Variants in GPHN observed in about 807,000 individuals in gnomAD.
GPHN encodes the protein gephyrin.
A neutral mutation model predicts 95.5 loss-of-function variants in GPHN; 17 were observed. The ratio of observed to expected loss-of-function variants is 0.18; its 90% confidence interval spans 0.12 to 0.27. The LOEUF (loss-of-function observed/expected upper bound fraction) is 0.27, where lower values mean the gene tolerates loss of function less well. GPHN is among the 10% of genes least tolerant of loss of function. The probability of loss-of-function intolerance (pLI) is 1.00; values close to 1 mark genes in which losing one functional copy is unlikely to be tolerated. For synonymous variants in GPHN, 320 were observed against 322.5 expected (o/e 0.99, Z 0.08); for missense variants, 660 against 978.1 (o/e 0.67, Z 4.34).
chr14:67,555,892 C>T, the GPHN span: 5 of 1,613,162 alleles, frequency 3.1e-6, no homozygotes. Flanking sequence ...ACCCAGGTAA[C>T]CAGGGGAGGG....
intron 8 of GPHN, among the ~76,000 whole-genome samples, chr14:66,948,177 A>G (rs559017112): frequency 1.3e-5 from 2 of 152,164 alleles, no homozygotes; most frequent in South Asian, 2.1e-4. Flanking sequence ...CTAAAAGGCA[A>G]TTACACGGGA....
chr14:67,285,257 G>A, the GPHN span, among the ~76,000 whole-genome samples: 1 of 152,154 alleles, frequency 6.6e-6, no homozygotes, highest in Admixed American at 6.5e-5. Flanking sequence ...AAATGGAAAA[G>A]CTTAATGCTG....
the GPHN span, among the ~76,000 whole-genome samples, chr14:67,513,505 C>T: frequency 6.6e-6 from 1 of 152,216 alleles, no homozygotes; most frequent in African/African-American, 2.4e-5. Context: ...CTAAAAAAGC[C>T]TGTTGTCCCC....
the GPHN span, chr14:67,584,993 T>C: frequency 1.3e-5 from 2 of 152,254 alleles, no homozygotes; most frequent in African/African-American, 4.8e-5. Flanking sequence ...AAGAGAGAGA[T>C]TTTCTGGATT....
At chr14:66,718,205 T>TA (rs1293160225) in intron 2 of GPHN, among the ~76,000 whole-genome samples, 1 of 152,126 alleles carries the variant, frequency 6.6e-6, no homozygotes, top group African/African-American at 2.4e-5. Context: ...TTACAGTTCT[T>TA]AAAGATGGTG....
chr14:66,596,155 A>G (rs1317405610), intron 1 of GPHN, among the ~76,000 whole-genome samples: 1 of 151,786 alleles, frequency 6.6e-6, no homozygotes, highest in South Asian at 2.1e-4. Context: ...CTGCTGGCAG[A>G]TTGTCCTGTC....
At chr14:66,932,457 T>TGG (rs915901188) in intron 8 of GPHN, among the ~76,000 whole-genome samples, 1 of 124,208 alleles carries the variant, frequency 8.1e-6, no homozygotes, top group Non-Finnish European at 1.7e-5. Flanking sequence ...TTTTTTTTTT[T>TGG]TTTTTTTTTT....
At chr14:67,722,497 A>G in the GPHN span, 3 of 778,736 alleles carry the variant, frequency 3.9e-6, no homozygotes, top group Non-Finnish European at 7.1e-6. Context: ...GCTCAGAGTC[A>G]GGCTGCTGCT....
chr14:67,080,762 C>T (rs1016309743), intron 11 of GPHN, among the ~76,000 whole-genome samples: 10 of 152,068 alleles, frequency 6.6e-5, no homozygotes, highest in Non-Finnish European at 8.8e-5. Context: ...CACCTGCCTC[C>T]GACCCTTTCC....
intron 21 of GPHN, among the ~76,000 whole-genome samples, chr14:67,175,138 A>G (rs2082857503): frequency 6.6e-6 from 1 of 152,304 alleles, no homozygotes; most frequent in African/African-American, 2.4e-5. Flanking sequence ...TGTTTTAGTC[A>G]TGAAGTCCTT....
chr14:67,434,235 G>A, the GPHN span, among the ~76,000 whole-genome samples: 1,093 of 152,220 alleles, frequency 7.2e-3, 20 homozygotes, highest in African/African-American at 0.025. Flanking sequence ...ATTTTATAAT[G>A]TTATAAAAAT....
intron 17 of GPHN, among the ~76,000 whole-genome samples, chr14:67,131,818 G>A (rs1417230626): frequency 6.6e-6 from 1 of 152,066 alleles, no homozygotes; most frequent in Non-Finnish European, 1.5e-5. Flanking sequence ...ATAAATTTCA[G>A]CATTAATTGA....
chr14:66,654,387 G>A (rs1263079710), intron 1 of GPHN, among the ~76,000 whole-genome samples: 3 of 152,078 alleles, frequency 2.0e-5, no homozygotes, highest in Admixed American at 2.0e-4. Flanking sequence ...GAGCCACCAC[G>A]CCTGTTCTTA....
the GPHN span, among the ~76,000 whole-genome samples, chr14:67,339,244 G>T: frequency 1.3e-5 from 2 of 151,982 alleles, no homozygotes; most frequent in Admixed American, 1.3e-4. Flanking sequence ...TGATCCACCC[G>T]CCTTGGCCTC....
Position 67,122,151 on chromosome 14 carries a change from G to A in GPHN, c.1627-105G>A, listed in dbSNP as rs41285474. On this transcript the variant is annotated intron_variant, in intron 16 of 22. Coordinates refer to ENST00000478722, the MANE Select transcript of GPHN (RefSeq NM_020806.5). ...CACCTTCAAAATGCCAGATACCATT[G>A]TAGGTGCTAGATATGCTAAACTCAG... is the stretch of plus-strand genomic sequence containing the variant. 0.014 allele frequency: 14,597 copies of A among 1,047,156 alleles called. 144 individuals are homozygous for A. The highest frequency in any genetic ancestry group is 0.017 in the Non-Finnish European group (11,668 of 670,698). The allele number at this position is 1,047,156 out of a possible 1,614,324, so 64.9% of individuals were successfully genotyped here. A position where few individuals can be genotyped will look rare whatever the true frequency, so the allele number is the denominator to read the frequency against.
Position 66,980,945 on chromosome 14 carries a change from A to G in GPHN, c.963+15620A>G, listed in dbSNP as rs529671892. 7.2e-5 allele frequency among the ~76,000 whole-genome samples: 11 copies of G among 152,308 alleles called. No individual in the cohort carries two copies. The South Asian group carries it at 2.1e-3, about 29-fold the overall frequency. ...ATGCCTGTAATCCCAGCTACTCGGGAGGCTGAGGCAGGAGAATCACTTGAA... is the reference window on the plus strand; with the variant it reads ...ATGCCTGTAATCCCAGCTACTCGGGGGGCTGAGGCAGGAGAATCACTTGAA... On this transcript the variant is annotated intron_variant, in intron 9 of 22. Coordinates refer to ENST00000478722, the MANE Select transcript of GPHN (RefSeq NM_020806.5).
chr14:67,293,857 C>T, the GPHN span, among the ~76,000 whole-genome samples: 3 of 152,038 alleles, frequency 2.0e-5, no homozygotes, highest in Admixed American at 2.0e-4. Context: ...CTACTGGGTC[C>T]TTGTTTTGCT....
At chr14:66,632,966 A>G (rs1332427078) in intron 1 of GPHN, among the ~76,000 whole-genome samples, 1 of 152,188 alleles carries the variant, frequency 6.6e-6, no homozygotes, top group Non-Finnish European at 1.5e-5. Context: ...CTCAAAGACT[A>G]TTACCATTCT....
the GPHN span, chr14:67,677,144 G>A: frequency 1.8e-4 from 27 of 152,036 alleles, no homozygotes; most frequent in African/African-American, 6.3e-4. Flanking sequence ...AACAAGTGAT[G>A]GGAACACTAC....
Sources: allele counts gnomAD v4.1 joint callset (sites outside exome capture counted in the v4.1 genomes callset), GRCh38; gene constraint gnomAD v4.1.1; transcripts MANE v1.5; gene names NCBI Gene and HGNC (gene_info 2026-07-23, HGNC 2026-07-21).